The following ZNF141 variants were observed in gnomAD, a reference collection of about 807,000 sequenced individuals.
ZNF141 encodes the protein zinc finger protein 141 (clone pHZ-44).
A neutral mutation model predicts 11.3 loss-of-function variants in ZNF141; 7 were observed. That is an observed-to-expected ratio of 0.62 (90% CI 0.35 to 1.16). ZNF141 has a LOEUF of 1.16. Ranked by LOEUF, ZNF141 falls within the 50% of genes most tolerant of loss-of-function variation. ZNF141 has a pLI of 0.02. For synonymous variants in ZNF141, 183 were observed against 190.7 expected (o/e 0.96, Z 0.33); for missense variants, 535 against 554.0 (o/e 0.97, Z 0.34).
chr4:345,669 G>A (rs1333992497), intron 3 of ZNF141, among the ~76,000 whole-genome samples: 3 of 147,440 alleles, frequency 2.0e-5, no homozygotes, highest in Non-Finnish European at 1.5e-5. Context: ...CGGAGGTTGC[G>A]GTTTGCCGAG....
chr4:372,626 T>A (rs782424504), intron 3 of ZNF141, 38 bp from the exon 4 acceptor site: 1 of 1,433,636 alleles, frequency 7.0e-7, no homozygotes, highest in Non-Finnish European at 9.3e-7. Flanking sequence ...TATATGAATC[T>A]ACTAAGTGGG....
At chr4:371,341 C>T (rs1241485480) in intron 3 of ZNF141, among the ~76,000 whole-genome samples, 1 of 151,498 alleles carries the variant, frequency 6.6e-6, no homozygotes, top group Non-Finnish European at 1.5e-5. Flanking sequence ...AAGCAATTCT[C>T]CTGCCTCAGC....
At chr4:353,103 T>C (rs1553850705) in intron 3 of ZNF141, among the ~76,000 whole-genome samples, 1 of 152,178 alleles carries the variant, frequency 6.6e-6, no homozygotes, top group African/African-American at 2.4e-5. Flanking sequence ...CTGGATGTGG[T>C]GGCTCACGCC....
In ZNF141 at chr4:372,956, T is replaced by C. The variant is rs148767033; in HGVS notation, c.519T>C (p.Phe173=). The C allele has an allele frequency of 3.1e-5, 50 of 1,614,000 alleles. No homozygotes were observed. Among genetic ancestry groups the C allele is most frequent in the Non-Finnish European group, 4.2e-5 (49 of 1,179,982 alleles). ...RKTRHTGEKH[F]KECGKSFQKF... is the part of the protein sequence containing the mutation. ...CAAGACATACTGGAGAGAAACACTT[T>C]AAAGAATGTGGCAAATCATTTCAGA... The change falls in exon 4 of 4, where the codon TTT becomes TTC. Residue 173 remains phenylalanine, a synonymous_variant. Transcript: ENST00000240499.
At position 380,802 on chromosome 4, in the gene ZNF141, T is replaced by TA. The variant is rs1343762664; in HGVS notation, c.*6944dup. ...ACTCTAGAGATAACACTTATTACAG[T>TA]AAAATCCCTCTTCAGACACAAAATA... On this transcript the variant is annotated 3_prime_UTR_variant, in exon 4 of 4. Coordinates refer to ENST00000240499, the MANE Select transcript of ZNF141 (RefSeq NM_003441.4). 2.0e-5 allele frequency among the ~76,000 whole-genome samples: 3 copies of TA among 152,122 alleles called. No individual in the cohort carries two copies. Among genetic ancestry groups the TA allele is most frequent in the Non-Finnish European group, 4.4e-5 (3 of 68,026 alleles).
At chr4:345,170 G>T (rs1721262215) in intron 3 of ZNF141, among the ~76,000 whole-genome samples, 1 of 152,160 alleles carries the variant, frequency 6.6e-6, no homozygotes, top group South Asian at 2.1e-4. Flanking sequence ...GAAATCCCAG[G>T]AACACCAAGG....
rs573081927 is a variant in ZNF141 at position 375,487 on chromosome 4, G to A, written c.*1625G>A. On this transcript the variant is annotated 3_prime_UTR_variant, in exon 4 of 4. Transcript: ENST00000240499. ...TGCAGTAAATGTGAAGAAATATTTA[G>A]TCTAAAAAGAAGAGTATGTAAACAT... Among the ~76,000 whole-genome samples, 2 of 152,116 alleles carry A rather than the reference G, an allele frequency of 1.3e-5. No individual in the cohort carries two copies. The highest frequency in any genetic ancestry group is 4.8e-5 in the African/African-American group (2 of 41,548).
intron 1 of ZNF141, among the ~76,000 whole-genome samples, chr4:338,756 G>T (rs894701361): frequency 4.6e-5 from 7 of 152,226 alleles, no homozygotes; most frequent in Non-Finnish European, 8.8e-5. Context: ...CGCTGAGCTT[G>T]TGGGGTCTGT....
At chr4:356,042 C>T (rs1378806317) in intron 3 of ZNF141, among the ~76,000 whole-genome samples, 6 of 151,854 alleles carry the variant, frequency 4.0e-5, no homozygotes, top group Non-Finnish European at 8.8e-5. Flanking sequence ...CCAGCCTGGC[C>T]AAGATAGTGA....
In ZNF141 at chr4:369,764, A is replaced by ATTTTTTTTT. The variant is rs34509477; in HGVS notation, c.227-2888_227-2880dup. Among the ~76,000 whole-genome samples, 14 of 48,724 alleles carry ATTTTTTTTT rather than the reference A, an allele frequency of 2.9e-4. 3 individuals are homozygous for ATTTTTTTTT. The highest frequency in any genetic ancestry group is 1.9e-3 in the African/African-American group (11 of 5,882). The allele number at this position is 48,724 out of a possible 152,430, so 32.0% of individuals were successfully genotyped here. On this transcript the variant is annotated intron_variant, in intron 3 of 3. Transcript: ENST00000240499. The stretch of plus-strand genomic sequence containing the variant: ...TATATATATATATATATATATATAT[A>ATTTTTTTTT]TTTTTTTTTTTTTTTTTTTTGAGAG...
chr4:339,544 A>G (rs1553848102), intron 1 of ZNF141, among the ~76,000 whole-genome samples: 1 of 152,254 alleles, frequency 6.6e-6, no homozygotes, highest in Non-Finnish European at 1.5e-5. Context: ...TGCCTGTTGT[A>G]GGACCAAATA....
rs530894196 is a variant in ZNF141 at position 379,399 on chromosome 4, G to A, written c.*5537G>A. Among the ~76,000 whole-genome samples, 100 of 152,024 alleles carry A rather than the reference G, an allele frequency of 6.6e-4. No individual in the cohort carries two copies. Among genetic ancestry groups the A allele is most frequent in the African/African-American group, 1.5e-3 (62 of 41,488 alleles). On this transcript the variant is annotated 3_prime_UTR_variant, in exon 4 of 4. Coordinates refer to ENST00000240499, the MANE Select transcript of ZNF141 (RefSeq NM_003441.4). ...TTCTTCTTTATTTTATTTTTGAGAC[G>A]GAGTCTCGCTCTGTCGCCAGGCTGG...
At position 384,037 on chromosome 4, in the gene ZNF141, CTGGACAGTT is replaced by C. The variant is rs1174421177; in HGVS notation, c.*10176_*10184del. On this transcript the variant is annotated 3_prime_UTR_variant, in exon 4 of 4. Transcript: ENST00000240499. Reference sequence around the variant, plus strand: ...TTTTTTTGTTCGAAATGTCAAGGACCTGGACAGTTCACACTCACGGCCTTCCTTCTGGTA... The same window carrying C: ...TTTTTTTGTTCGAAATGTCAAGGACCCACACTCACGGCCTTCCTTCTGGTA... 1 of 152,134 alleles carries C rather than the reference CTGGACAGTT, an allele frequency of 6.6e-6. No individual in the cohort carries two copies. The highest frequency in any genetic ancestry group is 1.5e-5 in the Non-Finnish European group (1 of 68,048). 9.4% of individuals were successfully genotyped at this position (152,134 alleles called of 1,614,324 possible).
chr4:382,181 C>T lies in ZNF141; in HGVS notation c.*8319C>T, dbSNP rs1553855789. Among the ~76,000 whole-genome samples, 1 of 151,780 alleles carries T rather than the reference C, an allele frequency of 6.6e-6. No homozygotes were observed. The highest frequency in any genetic ancestry group is 1.5e-5 in the Non-Finnish European group (1 of 67,964). ...CAACAAGGTCTTGATTTCCTGACCT[C>T]GTGATCCGCCTGCCTCAGCCTACCA... On this transcript the variant is annotated 3_prime_UTR_variant, in exon 4 of 4. Coordinates refer to ENST00000240499, the MANE Select transcript of ZNF141 (RefSeq NM_003441.4).
intron 3 of ZNF141, among the ~76,000 whole-genome samples, chr4:367,281 T>C (rs551051268): frequency 1.3e-5 from 2 of 152,314 alleles, no homozygotes; most frequent in South Asian, 4.1e-4. Flanking sequence ...TATCTGTATG[T>C]GTATTGGTTT....
Position 376,705 on chromosome 4 carries a change from A to G in ZNF141, c.*2843A>G, listed in dbSNP as rs1279636142. On this transcript the variant is annotated 3_prime_UTR_variant, in exon 4 of 4. Transcript: ENST00000240499. ...GTGTAAGAAAATTATAGAGCAAGCA[A>G]TTGTGTTTATGTGAGTTTGTACCTA... Among the ~76,000 whole-genome samples, 3 of 152,112 alleles carry G rather than the reference A, an allele frequency of 2.0e-5. No individual in the cohort carries two copies. Among genetic ancestry groups the G allele is most frequent in the African/African-American group, 4.8e-5 (2 of 41,448 alleles).
At chr4:342,876 G>A in intron 1 of ZNF141, 1 of 1,607,960 alleles carries the variant, frequency 6.2e-7, no homozygotes, top group Non-Finnish European at 8.5e-7. Flanking sequence ...TGACCTGAAG[G>A]TTGAACAGAC....
At position 382,926 on chromosome 4, in the gene ZNF141, ATTTCTT is replaced by A. The variant is rs1712731372; in HGVS notation, c.*9065_*9070del. 2.1e-6 allele frequency: 1 copy of A among 482,530 alleles called. No homozygotes were observed. Among genetic ancestry groups the A allele is most frequent in the Non-Finnish European group, 3.6e-6 (1 of 274,256 alleles). 29.9% of individuals were successfully genotyped at this position (482,530 alleles called of 1,614,324 possible). A position where few individuals can be genotyped will look rare whatever the true frequency, so the allele number is the denominator to read the frequency against. On this transcript the variant is annotated 3_prime_UTR_variant, in exon 4 of 4. Coordinates refer to ENST00000240499, the MANE Select transcript of ZNF141 (RefSeq NM_003441.4). ...GATTGCAAAAACAGCAATTTGAAAAATTTCTTATTGTATTCATGTCCTTGGAAATGG... is the reference window on the plus strand; with the variant it reads ...GATTGCAAAAACAGCAATTTGAAAAAATTGTATTCATGTCCTTGGAAATGG...
intron 3 of ZNF141, among the ~76,000 whole-genome samples, chr4:360,127 G>A (rs535879582): frequency 8.5e-5 from 13 of 152,136 alleles, no homozygotes; most frequent in Admixed American, 3.9e-4. Flanking sequence ...CTCAGTCTTC[G>A]GTTCGCAGTC....
Sources: allele counts gnomAD v4.1 joint callset (sites outside exome capture counted in the v4.1 genomes callset), GRCh38; gene constraint gnomAD v4.1.1; transcripts MANE v1.5; gene names NCBI Gene and HGNC (gene_info 2026-07-23, HGNC 2026-07-21).